Variants in TSPAN5 observed in about 807,000 individuals in gnomAD.
TSPAN5 encodes tetraspanin 5.
In TSPAN5, 10 loss-of-function variants were observed where a neutral mutation model predicts 37.1. That is an observed-to-expected ratio of 0.27 (90% confidence interval 0.17 to 0.46). The LOEUF is 0.46. Ranked by LOEUF, TSPAN5 falls within the 20% of genes least tolerant of loss-of-function variation. TSPAN5 has a pLI of 1.00. For synonymous variants in TSPAN5, 110 were observed against 118.9 expected (o/e 0.93, Z 0.48); for missense variants, 195 against 326.6 (o/e 0.60, Z 3.11).
intron 2 of TSPAN5, among the ~76,000 whole-genome samples, chr4:98,493,821 A>G (rs992094676): frequency 1.3e-5 from 2 of 152,368 alleles, no homozygotes; most frequent in South Asian, 2.1e-4. Flanking sequence ...CAAATTGACC[A>G]TAACATAAAG....
intron 1 of TSPAN5, among the ~76,000 whole-genome samples, chr4:98,559,982 C>T (rs1253700397): frequency 1.3e-5 from 2 of 152,220 alleles, no homozygotes; most frequent in Non-Finnish European, 2.9e-5. Flanking sequence ...TTTCAAAAAA[C>T]AGGCGTTCTC....
At chr4:98,545,287 C>T (rs1754444905) in intron 1 of TSPAN5, among the ~76,000 whole-genome samples, 1 of 152,190 alleles carries the variant, frequency 6.6e-6, no homozygotes, top group Admixed American at 6.5e-5. Flanking sequence ...AAGAGAAAAA[C>T]TGCTGATACC....
intron 1 of TSPAN5, among the ~76,000 whole-genome samples, chr4:98,615,178 C>T (rs182517106): frequency 1.8e-4 from 28 of 152,298 alleles, no homozygotes; most frequent in Non-Finnish European, 3.4e-4. Flanking sequence ...TGCCTTGCCA[C>T]GTGTAACCTG....
intron 2 of TSPAN5, among the ~76,000 whole-genome samples, chr4:98,491,217 T>C (rs1753079075): frequency 6.6e-6 from 1 of 152,196 alleles, no homozygotes; most frequent in South Asian, 2.1e-4. Flanking sequence ...ACTCGGCATT[T>C]TTCAAGAATA....
intron 1 of TSPAN5, among the ~76,000 whole-genome samples, chr4:98,628,660 C>T (rs539527814): frequency 6.6e-6 from 1 of 152,250 alleles, no homozygotes; most frequent in East Asian, 1.9e-4. Flanking sequence ...TACCACACTC[C>T]CCATCACTCC....
chr4:98,596,575 C>T (rs1409407430), intron 1 of TSPAN5, among the ~76,000 whole-genome samples: 8 of 85,152 alleles, frequency 9.4e-5, no homozygotes, highest in Non-Finnish European at 1.7e-4. Context: ...CGGGTGGTAC[C>T]GGTTGTTCCT....
intron 2 of TSPAN5, among the ~76,000 whole-genome samples, chr4:98,506,093 C>T (rs1050919343): frequency 6.6e-6 from 1 of 151,842 alleles, no homozygotes; most frequent in Non-Finnish European, 1.5e-5. Context: ...AAATTACCAA[C>T]TGCTGTTTAT....
chr4:98,642,210 T>C (rs1756972658), intron 1 of TSPAN5, among the ~76,000 whole-genome samples: 1 of 152,162 alleles, frequency 6.6e-6, no homozygotes, highest in African/African-American at 2.4e-5. Context: ...TTAGCTTCCC[T>C]AAAAGTAAAA....
At chr4:98,608,105 T>C (rs1317776512) in intron 1 of TSPAN5, among the ~76,000 whole-genome samples, 10 of 152,248 alleles carry the variant, frequency 6.6e-5, no homozygotes, top group African/African-American at 1.9e-4. Flanking sequence ...CTATTCGTTA[T>C]AGCATAACAC....
At chr4:98,617,557 G>C (rs1370161885) in intron 1 of TSPAN5, among the ~76,000 whole-genome samples, 1 of 152,124 alleles carries the variant, frequency 6.6e-6, no homozygotes, top group Non-Finnish European at 1.5e-5. Flanking sequence ...CAGTGTAGGG[G>C]ATGCATGTAT....
intron 1 of TSPAN5, among the ~76,000 whole-genome samples, chr4:98,627,648 C>T (rs1756638865): frequency 6.6e-6 from 1 of 152,164 alleles, no homozygotes; most frequent in Non-Finnish European, 1.5e-5. Context: ...AATAAACCCC[C>T]TGGATTTCAG....
intron 1 of TSPAN5, among the ~76,000 whole-genome samples, chr4:98,616,473 C>A (rs943770476): frequency 6.6e-6 from 1 of 152,120 alleles, no homozygotes; most frequent in Non-Finnish European, 1.5e-5. Flanking sequence ...CCTAGTGTCA[C>A]TCTGACAAGA....
chr4:98,474,553 G>A (rs1752654485), intron 7 of TSPAN5, among the ~76,000 whole-genome samples: 1 of 151,850 alleles, frequency 6.6e-6, no homozygotes, highest in Admixed American at 6.6e-5. Flanking sequence ...TTGTCATGTT[G>A]CCCAGGCTGT....
At chr4:98,495,276 TC>T (rs1168838961) in intron 2 of TSPAN5, among the ~76,000 whole-genome samples, 1 of 152,160 alleles carries the variant, frequency 6.6e-6, no homozygotes, top group Non-Finnish European at 1.5e-5. Flanking sequence ...ATGCCTGTAA[TC>T]CCAGCACTCT....
At chr4:98,481,448 C>T (rs969603805) in intron 4 of TSPAN5, among the ~76,000 whole-genome samples, 1 of 152,078 alleles carries the variant, frequency 6.6e-6, no homozygotes, top group African/African-American at 2.4e-5. Flanking sequence ...GAGAGAGTGG[C>T]CCGGATTCCA....
chr4:98,530,166 G>C (rs1447595149), intron 1 of TSPAN5, among the ~76,000 whole-genome samples: 1 of 152,202 alleles, frequency 6.6e-6, no homozygotes, highest in African/African-American at 2.4e-5. Flanking sequence ...AGAAGGGCCT[G>C]CACACACATT....
In TSPAN5 at chr4:98,483,184, G is replaced by A. The variant is rs192042163; in HGVS notation, c.280-1009C>T. 5.5e-3 allele frequency: 843 copies of A among 152,404 alleles called. 31 individuals are homozygous for A. Among genetic ancestry groups the A allele is most frequent in the Non-Finnish European group, 1.4e-3 (93 of 68,100 alleles). The allele number at this position is 152,404 out of a possible 1,614,324, so 9.4% of individuals were successfully genotyped here. A position where few individuals can be genotyped will look rare whatever the true frequency, so the allele number is the denominator to read the frequency against. On this transcript the variant is annotated intron_variant, in intron 3 of 7. Coordinates refer to ENST00000305798, the MANE Select transcript of TSPAN5 (RefSeq NM_005723.4). ...GGGTAAATTTCTGGTGACAACAGCA[G>A]AGAGGGTGACATGGGCCACAACTGC... is the stretch of plus-strand genomic sequence containing the variant.
In TSPAN5 at chr4:98,478,576, G is replaced by T. The variant is rs1752758278; in HGVS notation, c.576+109C>A. The T allele has an allele frequency of 5.2e-6, 7 of 1,335,576 alleles. No homozygotes were observed. The African/African-American group carries it at 7.2e-5, about 14-fold the overall frequency. The allele number at this position is 1,335,576 out of a possible 1,614,324, so 82.7% of individuals were successfully genotyped here. A position where few individuals can be genotyped will look rare whatever the true frequency, so the allele number is the denominator to read the frequency against. ...AACCCCCTACAGGAGCTACAAATAC[G>T]AGTAACCAGGTAAGAAGAGGGTTCA... On this transcript the variant is annotated intron_variant, in intron 5 of 7. Transcript: ENST00000305798.
intron 1 of TSPAN5, among the ~76,000 whole-genome samples, chr4:98,644,743 A>G (rs1757027731): frequency 1.3e-5 from 2 of 152,164 alleles, no homozygotes; most frequent in African/African-American, 4.8e-5. Context: ...ACAGTTCCTA[A>G]GCATTTAAAG....
Sources: gnomAD v4.1 joint callset for allele counts (sites outside exome capture counted in the v4.1 genomes callset) on GRCh38, gnomAD v4.1.1 for gene constraint, MANE v1.5 for transcripts, NCBI Gene and HGNC (gene_info 2026-07-23, HGNC 2026-07-21) for gene names.